TEK: variants seen among roughly 807,000 people sequenced by gnomAD.
The protein encoded by TEK is angiopoietin-1 receptor.
In TEK, 43 loss-of-function variants were observed where a neutral mutation model predicts 131.8. That is an observed-to-expected ratio of 0.33 (90% CI 0.26 to 0.42). TEK has a LOEUF of 0.42. Ranked by LOEUF, TEK falls within the 10% of genes least tolerant of loss-of-function variation. The pLI is 1.00. For missense variants in TEK, 1,162 were observed against 1,384.4 expected (o/e 0.84, Z 2.55); for synonymous variants, 580 against 491.6 (o/e 1.18, Z -2.38).
intron 19 of TEK, among the ~76,000 whole-genome samples, chr9:27,218,130 T>TTTG (rs9298888): frequency 3.5e-4 from 49 of 139,514 alleles, no homozygotes; most frequent in African/African-American, 1.1e-3. Flanking sequence ...GGCCAGACAG[T>TTTG]GGCGGGGGTC....
At chr9:27,226,589 G>A (rs1045315104) in intron 21 of TEK, among the ~76,000 whole-genome samples, 60 of 152,242 alleles carry the variant, frequency 3.9e-4, no homozygotes, top group African/African-American at 1.4e-3. Context: ...GTGGGGGCTA[G>A]GGGAGGGATA....
rs78774682 is a variant in TEK at position 27,182,414 on chromosome 9, G to A, written c.1031-1045G>A. ...CTACTTAGGCTGAAAAACTTGGCAC[G>A]TTTTCCATAATCTTTCCAAGTTTAC... On this transcript the variant is annotated intron_variant, in intron 7 of 22. Transcript: ENST00000380036. 8.8e-3 allele frequency among the ~76,000 whole-genome samples: 1,335 copies of A among 152,220 alleles called. 13 individuals carry two copies. Among genetic ancestry groups the A allele is most frequent in the Middle Eastern group, 0.02 (6 of 294 alleles).
In TEK at chr9:27,174,425, T is replaced by C. The variant is rs552552456; in HGVS notation, c.901+1063T>C. 2.0e-5 allele frequency among the ~76,000 whole-genome samples: 3 copies of C among 152,258 alleles called. No individual in the cohort carries two copies. In the East Asian group the frequency reaches 5.8e-4, roughly 29 times the overall value. On this transcript the variant is annotated intron_variant, in intron 6 of 22. Coordinates refer to ENST00000380036, the MANE Select transcript of TEK (RefSeq NM_000459.5). ...TCCACATTAAAAAAGTGAGGAGAAA[T>C]AGGTGAAATAATTTTGATCTATTAA...
rs954227920 is a variant in TEK, at chr9:27,197,401, G to A, written c.1711G>A (p.Glu571Lys). 4.3e-6 allele frequency: 7 copies of A among 1,614,002 alleles called. No homozygotes were observed. In the African/African-American group the frequency reaches 6.7e-5, roughly 15 times the overall value. Residue 571 changes from glutamate (E) to lysine (K), a missense_variant, in exon 12 of 23, where the codon GAA becomes AAA. Physicochemically the swap from Glu to Lys is moderately conservative, Grantham distance 56. Around this residue, in one of 6 missense-constraint regions of TEK, gnomAD observed 477 missense variants for 471.0 expected, o/e 1.01. Transcript: ENST00000380036. ...LTWQPIFPSS[E>K]DDFYVEVERR... ...CTGGCAACCAATATTTCCAAGCTCG[G>A]AAGATGACTTTTATGTTGAAGTGGA...
intron 14 of TEK, among the ~76,000 whole-genome samples, chr9:27,205,391 T>C (rs1055047678): frequency 1.3e-5 from 2 of 152,134 alleles, no homozygotes; most frequent in Admixed American, 6.5e-5. Flanking sequence ...ACAGAATAAA[T>C]TGAACATTTT....
At chr9:27,220,552 C>T (rs1440380274) in intron 21 of TEK, among the ~76,000 whole-genome samples, 1 of 152,160 alleles carries the variant, frequency 6.6e-6, no homozygotes, top group Non-Finnish European at 1.5e-5. Flanking sequence ...GTGCAACTCC[C>T]AGTGAGATCA....
chr9:27,198,442 G>A (rs892313971), intron 12 of TEK: 2 of 152,228 alleles, frequency 1.3e-5, no homozygotes, highest in Non-Finnish European at 2.9e-5. Context: ...GAACAGGTGT[G>A]GAAGCTGGCT....
At chr9:27,158,675 T>G (rs7019818) in intron 2 of TEK, among the ~76,000 whole-genome samples, 24,535 of 139,404 alleles carry the variant, frequency 0.18, 2,129 homozygotes, top group Middle Eastern at 0.26. Flanking sequence ...TTTTTTTTTT[T>G]GGGGGGGTGG....
chr9:27,117,166 G>A (rs992212246), intron 1 of TEK, among the ~76,000 whole-genome samples: 3 of 152,066 alleles, frequency 2.0e-5, no homozygotes, highest in African/African-American at 7.2e-5. Context: ...CGCCCGGCCG[G>A]AAAGAGAATT....
chr9:27,129,354 AAGTAGATATCTCTC>A (rs1822122468), intron 1 of TEK, among the ~76,000 whole-genome samples: 1 of 152,200 alleles, frequency 6.6e-6, no homozygotes, highest in Non-Finnish European at 1.5e-5. Flanking sequence ...ATACATGCAC[AAGTAGATATCTCTC>A]TGTTCTTATG....
At chr9:27,218,010 G>A (rs1386302185) in intron 19 of TEK, among the ~76,000 whole-genome samples, 4 of 151,958 alleles carry the variant, frequency 2.6e-5, no homozygotes, top group Non-Finnish European at 4.4e-5. Context: ...GCTTCAAGTT[G>A]CGAATTCTCG....
At chr9:27,212,608 G>A in intron 16 of TEK, 99 bp from the exon 17 acceptor site, 2 of 1,343,048 alleles carry the variant, frequency 1.5e-6, no homozygotes, top group Non-Finnish European at 2.1e-6. Context: ...GTGTTTTTTA[G>A]ACAAAATGGA....
At chr9:27,212,643 A>G in intron 16 of TEK, 64 bp from the exon 17 acceptor site, 1 of 1,571,960 alleles carries the variant, frequency 6.4e-7, no homozygotes, top group Non-Finnish European at 8.7e-7. Context: ...TCCACAGCAC[A>G]TCTCTTAAAT....
intron 1 of TEK, among the ~76,000 whole-genome samples, chr9:27,144,139 G>C (rs1356839381): frequency 6.6e-6 from 1 of 152,140 alleles, no homozygotes; most frequent in African/African-American, 2.4e-5. Context: ...AAAATTAGCT[G>C]GGCGTGGTGG....
chr9:27,194,262 C>T (rs2131190489), intron 11 of TEK, among the ~76,000 whole-genome samples: 1 of 152,302 alleles, frequency 6.6e-6, no homozygotes, highest in South Asian at 2.1e-4. Flanking sequence ...CCAGGAAGAA[C>T]ATCCACTTTT....
intron 1 of TEK, among the ~76,000 whole-genome samples, chr9:27,140,943 T>G (rs1485607096): frequency 6.6e-6 from 1 of 152,086 alleles, no homozygotes; most frequent in Non-Finnish European, 1.5e-5. Flanking sequence ...TATTTTTGCT[T>G]TCTTTTCTTT....
Position 27,139,844 on chromosome 9 carries a change from A to G in TEK, c.53-17987A>G, listed in dbSNP as rs1822657666. On this transcript the variant is annotated intron_variant, in intron 1 of 22. Coordinates refer to ENST00000380036, the MANE Select transcript of TEK (RefSeq NM_000459.5). ...GGAGTAACAACAGGGTTGATATTCC[A>G]CAGTTGTATACTAGTTTGTCTGTAT... Among the ~76,000 whole-genome samples the G allele has an allele frequency of 3.3e-5, 5 of 152,132 alleles. No individual in the cohort carries two copies. In the South Asian group the frequency reaches 1.0e-3, roughly 32 times the overall value.
intron 1 of TEK, among the ~76,000 whole-genome samples, chr9:27,110,842 A>C (rs1339349738): frequency 6.6e-6 from 1 of 152,192 alleles, no homozygotes; most frequent in Non-Finnish European, 1.5e-5. Context: ...TTCAGTATTT[A>C]TGTGGAAATT....
Position 27,109,645 on chromosome 9 carries a change from A to G in TEK, c.52+3A>G. 6.2e-7 allele frequency: 1 copy of G among 1,614,074 alleles called. No individual in the cohort carries two copies. Among genetic ancestry groups the G allele is most frequent in the Non-Finnish European group, 8.5e-7 (1 of 1,179,976 alleles). On this transcript the variant is annotated splice_donor_region_variant and intron_variant, in intron 1 of 22. Coordinates refer to ENST00000380036, the MANE Select transcript of TEK (RefSeq NM_000459.5). The stretch of plus-strand genomic sequence containing the variant: ...TGGAGTCAGCTTGCTCCTTTCTGGT[A>G]AGGTTTGGCTTTATTTTTTTTAATT...
Sources: gnomAD v4.1 joint callset for allele counts (sites outside exome capture counted in the v4.1 genomes callset) on GRCh38, gnomAD v4.1.1 for gene constraint, gnomAD v4.1.1 regional missense constraint, MANE v1.5 for transcripts, NCBI Gene and HGNC (gene_info 2026-07-23, HGNC 2026-07-21) for gene names.